Variants in SLC47A1 observed in about 807,000 individuals in gnomAD.
The protein encoded by SLC47A1 is solute carrier family 47 member 1.
In SLC47A1, 58 loss-of-function variants were observed where a neutral mutation model predicts 65.8. The ratio of observed to expected loss-of-function variants is 0.88; its 90% CI spans 0.71 to 1.10. The LOEUF (loss-of-function observed/expected upper bound fraction) is 1.10. Ranked by LOEUF, SLC47A1 falls within the 50% of genes least tolerant of loss-of-function variation. SLC47A1 has a pLI of 0.00. For missense variants in SLC47A1, 706 were observed against 719.2 expected (o/e 0.98, Z 0.21); for synonymous variants, 285 against 295.0 (o/e 0.97, Z 0.35).
At position 19,566,852 on chromosome 17, in the gene SLC47A1, C is replaced by T. The variant is rs748046342; in HGVS notation, c.1169C>T (p.Ala390Val). ...TATGCTGTTTCCCACCTCTTTGAAG[C>T]TCTTGCTGTAAGTATTATGTAGTAG... ...PIYAVSHLFEALACTSGGVLR... is the reference protein window; with the variant it reads ...PIYAVSHLFEVLACTSGGVLR... Residue 390 changes from alanine to valine, a missense_variant, in exon 13 of 17, where the codon GCT becomes GTT. Coordinates refer to ENST00000270570, the MANE Select transcript of SLC47A1 (RefSeq NM_018242.3). 6.2e-7 allele frequency: 1 copy of T among 1,614,146 alleles called. No homozygotes were observed. The highest frequency in any genetic ancestry group is 1.7e-5 in the Admixed American group (1 of 60,014).
intron 14 of SLC47A1, among the ~76,000 whole-genome samples, chr17:19,569,296 C>T (rs556546631): frequency 1.3e-5 from 2 of 151,674 alleles, no homozygotes; most frequent in Admixed American, 6.6e-5. Context: ...TGCTTGAACC[C>T]GGGAGGCGGA....
chr17:19,560,404 G>A lies in SLC47A1; in HGVS notation c.1031-14G>A, dbSNP rs372657869. 4.1e-5 allele frequency: 66 copies of A among 1,613,978 alleles called. No individual in the cohort carries two copies. Among genetic ancestry groups the A allele is most frequent in the Middle Eastern group, 1.6e-4 (1 of 6,084 alleles). Reference sequence around the variant, plus strand: ...TGTTCACTGTGTTGTTTCTTCTGCCGTTTTTACCTTCAGTGCTCTTTGCTG... The same window carrying A: ...TGTTCACTGTGTTGTTTCTTCTGCCATTTTTACCTTCAGTGCTCTTTGCTG... On this transcript the variant is annotated splice_polypyrimidine_tract_variant and intron_variant, in intron 11 of 16. Transcript: ENST00000270570.
intron 2 of SLC47A1, among the ~76,000 whole-genome samples, chr17:19,545,936 T>A (rs190228623): frequency 5.3e-4 from 80 of 152,172 alleles, no homozygotes; most frequent in African/African-American, 1.8e-3. Flanking sequence ...AATACTATAG[T>A]TCTAGGCCGC....
intron 4 of SLC47A1, among the ~76,000 whole-genome samples, chr17:19,549,320 T>G (rs1916379505): frequency 6.6e-6 from 1 of 151,782 alleles, no homozygotes; most frequent in Non-Finnish European, 1.5e-5. Flanking sequence ...TGCCGCAGCC[T>G]CCCAAGTGGC....
At chr17:19,537,169 G>GA (rs1647316833) in intron 1 of SLC47A1, among the ~76,000 whole-genome samples, 1 of 152,240 alleles carries the variant, frequency 6.6e-6, no homozygotes. Flanking sequence ...ACAGAGGTGG[G>GA]ATAGCCCAGG....
Position 19,560,501 on chromosome 17 carries a change from C to T in SLC47A1, c.1106+8C>T, listed in dbSNP as rs1055784461. ...CATTTTTACTACCGACCGGTGAGTG[C>T]TAGGATTTTCTTGAAATGTGAAATC... On this transcript the variant is annotated splice_region_variant and intron_variant, in intron 12 of 16. Transcript: ENST00000270570. 1.9e-6 allele frequency: 3 copies of T among 1,613,550 alleles called. No individual in the cohort carries two copies. The highest frequency in any genetic ancestry group is 2.5e-6 in the Non-Finnish European group (3 of 1,179,620).
chr17:19,534,132 T>C, intron 1 of SLC47A1, 58 bp downstream of exon 1: 2 of 1,448,288 alleles, frequency 1.4e-6, no homozygotes, highest in Non-Finnish European at 1.8e-6. Context: ...CCTGGTGATT[T>C]CTGCCTCCGC....
intron 12 of SLC47A1, among the ~76,000 whole-genome samples, chr17:19,563,160 C>T: frequency 7.9e-6 from 1 of 126,406 alleles, no homozygotes; most frequent in African/African-American, 2.9e-5. Context: ...TTTGACGGAG[C>T]CTCCCTCTGT....
At chr17:19,540,629 G>A (rs895699810) in intron 1 of SLC47A1, among the ~76,000 whole-genome samples, 1 of 152,248 alleles carries the variant, frequency 6.6e-6, no homozygotes, top group South Asian at 2.1e-4. Flanking sequence ...CCAGCATCTG[G>A]TTCTTCATGT....
In SLC47A1 at chr17:19,560,189, T is replaced by G; in HGVS notation, c.923T>G (p.Val308Gly). 6.2e-7 allele frequency: 1 copy of G among 1,608,578 alleles called. No homozygotes were observed. The highest frequency in any genetic ancestry group is 2.2e-5 in the East Asian group (1 of 44,882). ...VYELAIIVYM[V>G]PAGFSVAASV... is the part of the protein sequence containing the mutation. The stretch of plus-strand genomic sequence containing the variant: ...TTGCAGGTTTCCTTTTTATTTTAGG[T>G]CCCTGCAGGCTTCAGTGTGGCTGCC... Residue 308 changes from valine (V) to glycine (G), a missense_variant and splice_region_variant, in exon 11 of 17, where the codon GTC (valine) becomes GGC (glycine). Val to Gly is a moderately radical substitution (Grantham distance 109). Coordinates refer to ENST00000270570, the MANE Select transcript of SLC47A1 (RefSeq NM_018242.3).
chr17:19,536,168 G>A (rs1339231047), intron 1 of SLC47A1, among the ~76,000 whole-genome samples: 1 of 151,776 alleles, frequency 6.6e-6, no homozygotes, highest in African/African-American at 2.4e-5. Flanking sequence ...CTGGGCTAAA[G>A]CAATCCTCCT....
At chr17:19,565,309 C>T (rs926501936) in intron 12 of SLC47A1, among the ~76,000 whole-genome samples, 5 of 152,196 alleles carry the variant, frequency 3.3e-5, no homozygotes, top group African/African-American at 1.2e-4. Flanking sequence ...TAGTGCTTCA[C>T]TGAGGCTTAC....
chr17:19,563,423 CGCCCG>C (rs1429514561), intron 12 of SLC47A1, among the ~76,000 whole-genome samples: 3 of 151,912 alleles, frequency 2.0e-5, no homozygotes, highest in East Asian at 1.9e-4. Context: ...TAAGCCACCA[CGCCCG>C]GCCGAGAAAG....
At position 19,567,332 on chromosome 17, in the gene SLC47A1, A is replaced by G. The variant is rs2084367048; in HGVS notation, c.1309+104A>G. Reference sequence around the variant, plus strand: ...CTGAGGCTCACCTCTGAAACTCGGGAGCTCGCCCACGTCCATTCTGTGTCT... The same window carrying G: ...CTGAGGCTCACCTCTGAAACTCGGGGGCTCGCCCACGTCCATTCTGTGTCT... On this transcript the variant is annotated intron_variant, in intron 14 of 16. Transcript: ENST00000270570. 2.0e-6 allele frequency: 3 copies of G among 1,516,784 alleles called. 1 individual carries two copies. In the South Asian group the frequency reaches 3.6e-5, roughly 18 times the overall value. 94.0% of individuals were successfully genotyped at this position (1,516,784 alleles called of 1,614,324 possible). A position where few individuals can be genotyped will look rare whatever the true frequency, so the allele number is the denominator to read the frequency against.
chr17:19,566,196 G>A (rs1341853632), intron 12 of SLC47A1, among the ~76,000 whole-genome samples: 1 of 152,168 alleles, frequency 6.6e-6, no homozygotes, highest in Non-Finnish European at 1.5e-5. Context: ...ATGTATTTGT[G>A]TATAAGGAAA....
intron 2 of SLC47A1, among the ~76,000 whole-genome samples, chr17:19,543,957 A>G (rs1916220654): frequency 6.6e-6 from 1 of 152,090 alleles, no homozygotes; most frequent in South Asian, 2.1e-4. Context: ...ATTTTATTTT[A>G]TTTAATTATT....
At chr17:19,560,087 C>T in intron 10 of SLC47A1, 101 bp from the exon 11 acceptor site, 1 of 810,126 alleles carries the variant, frequency 1.2e-6, no homozygotes, top group South Asian at 1.8e-5. Context: ...ACTTTTAGGA[C>T]CAAGTTTTCC....
chr17:19,542,795 GTT>G (rs34589573), intron 2 of SLC47A1, among the ~76,000 whole-genome samples: 43 of 133,134 alleles, frequency 3.2e-4, no homozygotes, highest in East Asian at 4.4e-4. Flanking sequence ...TTATTTTGTT[GTT>G]TTTTTTTTTT....
intron 12 of SLC47A1, among the ~76,000 whole-genome samples, chr17:19,561,119 A>T (rs1442570311): frequency 6.7e-6 from 1 of 148,762 alleles, no homozygotes; most frequent in Non-Finnish European, 1.5e-5. Flanking sequence ...TTAGCTGGTC[A>T]TGGTGGCACA....
Sources: gnomAD v4.1 joint callset for allele counts (sites outside exome capture counted in the v4.1 genomes callset) on GRCh38, gnomAD v4.1.1 for gene constraint, MANE v1.5 for transcripts, NCBI Gene and HGNC (gene_info 2026-07-23, HGNC 2026-07-21) for gene names.